Variants in CPS1 observed in about 807,000 individuals in gnomAD.
CPS1 encodes the protein carbamoyl-phosphate synthase 1, also known as carbamoyl-phosphate synthase [ammonia], mitochondrial.
CPS1 carries 109 observed loss-of-function variants against 174.6 expected under a neutral mutation model. That is an observed-to-expected ratio of 0.62 (90% CI 0.53 to 0.73). CPS1 has a LOEUF of 0.73. Ranked by LOEUF, CPS1 falls within the 30% of genes least tolerant of loss-of-function variation. CPS1 has a pLI of 0.00. For missense variants in CPS1, 1,689 were observed against 1,821.9 expected (o/e 0.93, Z 1.33); for synonymous variants, 637 against 632.0 (o/e 1.01, Z -0.12).
chr2:210,569,554 C>T (rs1469455301), intron 1 of CPS1, among the ~76,000 whole-genome samples: 4 of 152,036 alleles, frequency 2.6e-5, no homozygotes, highest in Non-Finnish European at 5.9e-5. Flanking sequence ...GAAGTTTTCT[C>T]TGTTTTGTAA....
intron 16 of CPS1, 139 bp downstream of exon 16, chr2:210,602,469 A>G: frequency 9.1e-7 from 1 of 1,100,352 alleles, no homozygotes; most frequent in Non-Finnish European, 1.3e-6. Context: ...AGCGTATTCC[A>G]AAAGATGACA....
rs532778476 is a variant in CPS1, at chr2:210,513,687, T to C, written c.3+35921T>C. 1.8e-4 allele frequency among the ~76,000 whole-genome samples: 27 copies of C among 152,174 alleles called. No homozygotes were observed. The South Asian group carries it at 4.6e-3, about 26-fold the overall frequency. On this transcript the variant is annotated intron_variant, in intron 1 of 38. Coordinates refer to the CPS1 transcript ENST00000430249. ...TTTCTTCTGCTGTGCAGCTCTTTAG[T>C]TTAATTAGGTCCCACTTGTGAATTT...
At chr2:210,518,968 A>G (rs780465435) in intron 1 of CPS1, among the ~76,000 whole-genome samples, 1 of 152,002 alleles carries the variant, frequency 6.6e-6, no homozygotes. Context: ...CCTTAAAAAC[A>G]TCTTTAGTTC....
chr2:210,536,486 A>G (rs1281881296), intron 1 of CPS1, among the ~76,000 whole-genome samples: 1 of 151,842 alleles, frequency 6.6e-6, no homozygotes, highest in Non-Finnish European at 1.5e-5. Flanking sequence ...ATGTCCGGCT[A>G]ATTTATTTTT....
chr2:210,634,752 G>A (rs1018586336), intron 21 of CPS1, among the ~76,000 whole-genome samples: 1 of 152,100 alleles, frequency 6.6e-6, no homozygotes, highest in Non-Finnish European at 1.5e-5. Flanking sequence ...AATACAGGCA[G>A]GACAGGTCTG....
chr2:210,515,233 C>T (rs1695649929), intron 1 of CPS1, among the ~76,000 whole-genome samples: 1 of 151,492 alleles, frequency 6.6e-6, no homozygotes, highest in South Asian at 2.1e-4. Flanking sequence ...AGGAAGGAGT[C>T]CTTCCTCTTT....
chr2:210,521,679 T>G (rs747233904), intron 1 of CPS1, among the ~76,000 whole-genome samples: 1 of 152,014 alleles, frequency 6.6e-6, no homozygotes, highest in Non-Finnish European at 1.5e-5. Flanking sequence ...TAATGCTTGT[T>G]TTTAAAAATA....
intron 21 of CPS1, among the ~76,000 whole-genome samples, chr2:210,622,158 T>C (rs1699549636): frequency 6.6e-6 from 1 of 151,586 alleles, no homozygotes; most frequent in African/African-American, 2.4e-5. Context: ...TTATGTACAA[T>C]GTTGCTATTT....
At chr2:210,529,650 C>T (rs1049880921) in intron 1 of CPS1, among the ~76,000 whole-genome samples, 5 of 151,944 alleles carry the variant, frequency 3.3e-5, no homozygotes, top group African/African-American at 1.2e-4. Context: ...GCTTACTCTT[C>T]ACTATTTAAT....
At chr2:210,544,302 A>C (rs1016596878) in intron 1 of CPS1, among the ~76,000 whole-genome samples, 2 of 152,114 alleles carry the variant, frequency 1.3e-5, no homozygotes, top group Admixed American at 1.3e-4. Flanking sequence ...CTCTGCACAC[A>C]GCTCATTTGA....
At chr2:210,500,065 G>A (rs1380302417) in intron 1 of CPS1, among the ~76,000 whole-genome samples, 1 of 152,216 alleles carries the variant, frequency 6.6e-6, no homozygotes, top group South Asian at 2.1e-4. Context: ...GAGAGAATGA[G>A]TGCCAAGCAA....
chr2:210,672,485 A>G (rs771758174), intron 34 of CPS1: 8 of 152,168 alleles, frequency 5.3e-5, no homozygotes, highest in Non-Finnish European at 1.0e-4. Flanking sequence ...CATTTCATAT[A>G]TATTTGTTAT....
rs765418878 is a variant in CPS1, at chr2:210,642,535, G to A, written c.3011G>A (p.Arg1004His). The A allele has an allele frequency of 7.4e-6, 12 of 1,613,966 alleles. No individual in the cohort carries two copies. Among genetic ancestry groups the A allele is most frequent in the South Asian group, 1.1e-5 (1 of 91,074 alleles). The change falls in exon 25 of 38, where the codon CGT becomes CAT. Residue 1004 changes from arginine (R) to histidine (H), a missense_variant. Transcript: ENST00000233072. ...GCTGTCTCTAGTATCCGCACACTGC[G>A]TCAACTTGGCAAGAAGACGGTGGTG... ...WCAVSSIRTLRQLGKKTVVVN... is the reference protein window; with the variant it reads ...WCAVSSIRTLHQLGKKTVVVN...
At chr2:210,536,553 C>T (rs2106007169) in intron 1 of CPS1, among the ~76,000 whole-genome samples, 1 of 152,180 alleles carries the variant, frequency 6.6e-6, no homozygotes, top group South Asian at 2.1e-4. Flanking sequence ...GCTACGATCT[C>T]CTAACCTCGT....
intron 11 of CPS1, chr2:210,593,492 T>C (rs1574565292): frequency 3.0e-6 from 3 of 988,136 alleles, no homozygotes; most frequent in Non-Finnish European, 3.6e-6. Flanking sequence ...AGGAGTTTTG[T>C]ATTTAATCTA....
chr2:210,499,382 G>A (rs892114816), intron 1 of CPS1, among the ~76,000 whole-genome samples: 2 of 152,092 alleles, frequency 1.3e-5, no homozygotes, highest in African/African-American at 4.8e-5. Context: ...GAAACTGGAT[G>A]AGCAGCTTTC....
chr2:210,629,252 A>G (rs1303603367), intron 21 of CPS1, among the ~76,000 whole-genome samples: 1 of 152,226 alleles, frequency 6.6e-6, no homozygotes, highest in Non-Finnish European at 1.5e-5. Flanking sequence ...ATTTCATAGT[A>G]TGGACTTAAC....
chr2:210,497,917 T>TATATATATATATATATATATA (rs1695040834), intron 1 of CPS1, among the ~76,000 whole-genome samples: 1 of 143,272 alleles, frequency 7.0e-6, no homozygotes, highest in African/African-American at 2.6e-5. Flanking sequence ...TATATATATA[T>TATATATATATATATATATATA]ATCTCCAGTA....
At chr2:210,623,069 A>G (rs1405525737) in intron 21 of CPS1, among the ~76,000 whole-genome samples, 2 of 152,028 alleles carry the variant, frequency 1.3e-5, no homozygotes, top group Non-Finnish European at 2.9e-5. Context: ...TTGCTATACC[A>G]TGTTAAATCA....
Sources: allele counts gnomAD v4.1 joint callset (sites outside exome capture counted in the v4.1 genomes callset), GRCh38; gene constraint gnomAD v4.1.1; transcripts MANE v1.5; gene names NCBI Gene and HGNC (gene_info 2026-07-23, HGNC 2026-07-21).